RSPO3: variants seen among roughly 807,000 people sequenced by gnomAD.
RSPO3 encodes the protein R-spondin-3.
Under a neutral mutation model 36.5 loss-of-function variants are expected in RSPO3, and 17 were observed. The ratio of observed to expected loss-of-function variants is 0.47; its 90% CI spans 0.32 to 0.70. RSPO3 has a LOEUF of 0.70. Ranked by LOEUF, RSPO3 falls within the 30% of genes least tolerant of loss-of-function variation. The pLI is 0.04. For synonymous variants in RSPO3, 108 were observed against 107.0 expected, an observed-to-expected ratio of 1.01 and a Z score of -0.06; for missense variants, 294 against 322.5, an observed-to-expected ratio of 0.91 and a Z score of 0.68.
Position 127,154,606 on chromosome 6 carries a change from G to A in RSPO3, c.437-635G>A, listed in dbSNP as rs190440106. Among the ~76,000 whole-genome samples, 217 of 152,238 alleles carry A rather than the reference G, an allele frequency of 1.4e-3. 1 individual carries two copies. The highest frequency in any genetic ancestry group is 4.8e-3 in the African/African-American group (198 of 41,566). On this transcript the variant is annotated intron_variant, in intron 3 of 4. Transcript: ENST00000356698. ...ATTTAAGCGTACAACAGCACATGTC[G>A]TAAGCAAAGGCAGTAAATAGTAGGC... is the stretch of plus-strand genomic sequence containing the variant.
rs1390158168 is a variant in RSPO3 at position 127,198,861 on chromosome 6, C to T, written c.*2854C>T. On this transcript the variant is annotated 3_prime_UTR_variant, in exon 5 of 5. Transcript: ENST00000356698. ...GTCCCTGAGTCCTCATTAGTGACTGCGTCCTTTGGAAGTTATCCCAACCCT... is the reference window on the plus strand; with the variant it reads ...GTCCCTGAGTCCTCATTAGTGACTGTGTCCTTTGGAAGTTATCCCAACCCT... 6.6e-6 allele frequency among the ~76,000 whole-genome samples: 1 copy of T among 152,128 alleles called. No individual in the cohort carries two copies. Among genetic ancestry groups the T allele is most frequent in the African/African-American group, 2.4e-5 (1 of 41,428 alleles).
chr6:127,174,290 T>G (rs1775002863), intron 4 of RSPO3, among the ~76,000 whole-genome samples: 2 of 151,914 alleles, frequency 1.3e-5, no homozygotes, highest in African/African-American at 4.8e-5. Context: ...ACTAGCAGTC[T>G]ATTAAGCCTT....
chr6:127,173,730 C>T (rs1774989243), intron 4 of RSPO3, among the ~76,000 whole-genome samples: 1 of 151,710 alleles, frequency 6.6e-6, no homozygotes, highest in African/African-American at 2.4e-5. Context: ...CGTGCATGTG[C>T]GAGGAAAGCA....
chr6:127,198,710 A>G lies in RSPO3; in HGVS notation c.*2703A>G, dbSNP rs943214625. ...AGGTTCTAGTAGCAGTTGTGTAACC[A>G]CTAGTGAGTCACTTAACTCCTCTGG... is the stretch of plus-strand genomic sequence containing the variant. On this transcript the variant is annotated 3_prime_UTR_variant, in exon 5 of 5. Coordinates refer to ENST00000356698, the MANE Select transcript of RSPO3 (RefSeq NM_032784.5). 6.6e-6 allele frequency among the ~76,000 whole-genome samples: 1 copy of G among 152,160 alleles called. No individual in the cohort carries two copies. Among genetic ancestry groups the G allele is most frequent in the Non-Finnish European group, 1.5e-5 (1 of 68,028 alleles).
intron 4 of RSPO3, among the ~76,000 whole-genome samples, chr6:127,177,762 A>G (rs1775084408): frequency 6.6e-6 from 1 of 151,780 alleles, no homozygotes; most frequent in African/African-American, 2.4e-5. Context: ...AGGACTTGCA[A>G]GAAGCCAATT....
At chr6:127,187,863 T>A (rs927415714) in intron 4 of RSPO3, among the ~76,000 whole-genome samples, 1 of 152,188 alleles carries the variant, frequency 6.6e-6, no homozygotes, top group African/African-American at 2.4e-5. Context: ...TATTATACAA[T>A]AAAATACAGA....
intron 4 of RSPO3, among the ~76,000 whole-genome samples, chr6:127,182,594 G>T (rs1008085369): frequency 6.6e-6 from 1 of 151,862 alleles, no homozygotes; most frequent in Non-Finnish European, 1.5e-5. Context: ...CAGCTCATTT[G>T]CTTAAGCCTT....
In RSPO3 at chr6:127,195,872, T is replaced by G; in HGVS notation, c.684T>G (p.Ser228Arg). The G allele has an allele frequency of 1.9e-6, 3 of 1,605,948 alleles. No individual in the cohort carries two copies. The highest frequency in any genetic ancestry group is 2.6e-6 in the Non-Finnish European group (3 of 1,175,576). ...RKRKKPNKGE[S>R]KEAIPDSKSL... ...GAAAAAAACCTAATAAAGGAGAAAG[T>G]AAAGAAGCAATACCTGACAGCAAAA... The change falls in exon 5 of 5, where the codon AGT becomes AGG. Residue 228 changes from serine (S) to arginine (R), a missense_variant. Physicochemically the swap from Ser to Arg is moderately radical, Grantham distance 110 (BLOSUM62 -1). This residue lies in a region of RSPO3 where 190 missense variants were observed against 185.2 expected (regional missense o/e 1.03). Transcript: ENST00000356698.
At position 127,199,366 on chromosome 6, in the gene RSPO3, CATG is replaced by C. The variant is rs1261765446; in HGVS notation, c.*3362_*3364del. Among the ~76,000 whole-genome samples, 1 of 151,680 alleles carries C rather than the reference CATG, an allele frequency of 6.6e-6. No homozygotes were observed. The highest frequency in any genetic ancestry group is 1.5e-5 in the Non-Finnish European group (1 of 67,986). On this transcript the variant is annotated 3_prime_UTR_variant, in exon 5 of 5. Transcript: ENST00000356698. ...AACATATAAATTTTATTTCTTGATT[CATG>C]ATATGTGATAGTATTCATAAAAATG...
intron 1 of RSPO3, among the ~76,000 whole-genome samples, chr6:127,121,774 G>A (rs1448549974): frequency 1.3e-5 from 2 of 152,188 alleles, no homozygotes; most frequent in Admixed American, 6.5e-5. Flanking sequence ...TCAATTCACA[G>A]TTCCTGTTTC....
chr6:127,126,487 A>C (rs905987767), intron 1 of RSPO3, among the ~76,000 whole-genome samples: 5 of 152,062 alleles, frequency 3.3e-5, no homozygotes, highest in Admixed American at 3.3e-4. Flanking sequence ...TCTGTGTTAC[A>C]TAAGAGGATG....
intron 4 of RSPO3, among the ~76,000 whole-genome samples, chr6:127,158,069 G>C (rs1456094952): frequency 1.3e-5 from 2 of 151,148 alleles, no homozygotes; most frequent in Admixed American, 6.6e-5. Context: ...TCATTGTCTT[G>C]AATTTATAAC....
chr6:127,138,405 CTG>C (rs1774204815), intron 1 of RSPO3, among the ~76,000 whole-genome samples: 1 of 152,102 alleles, frequency 6.6e-6, no homozygotes, highest in Non-Finnish European at 1.5e-5. Context: ...CACTCTATGA[CTG>C]TTAGTGAGTT....
chr6:127,120,234 G>A (rs1773814899), intron 1 of RSPO3, among the ~76,000 whole-genome samples: 1 of 152,188 alleles, frequency 6.6e-6, no homozygotes, highest in Admixed American at 6.5e-5. Flanking sequence ...CCAAGATGAA[G>A]GGACAGATGC....
chr6:127,167,309 T>C (rs1184711969), intron 4 of RSPO3, among the ~76,000 whole-genome samples: 1 of 151,890 alleles, frequency 6.6e-6, no homozygotes, highest in Non-Finnish European at 1.5e-5. Flanking sequence ...CCAGTGTGTG[T>C]TGTTTTCCCT....
intron 4 of RSPO3, among the ~76,000 whole-genome samples, chr6:127,156,341 T>A (rs1024533218): frequency 2.0e-5 from 3 of 152,162 alleles, no homozygotes; most frequent in African/African-American, 7.2e-5. Flanking sequence ...AATAATATGA[T>A]CCTTTAGGGT....
In RSPO3 at chr6:127,133,768, A is replaced by C. The variant is rs189929239; in HGVS notation, c.97+14479A>C. 2.9e-4 allele frequency among the ~76,000 whole-genome samples: 44 copies of C among 152,276 alleles called. 1 individual carries two copies. Among genetic ancestry groups the C allele is most frequent in the Admixed American group, 2.7e-3 (42 of 15,296 alleles). On this transcript the variant is annotated intron_variant, in intron 1 of 4. Transcript: ENST00000356698. ...TAGGGGAAAAATATGGAAAAATCAA[A>C]ATTGAACTCAGCACTAACTACAATA...
chr6:127,123,410 G>A (rs1773883579), intron 1 of RSPO3, among the ~76,000 whole-genome samples: 1 of 152,136 alleles, frequency 6.6e-6, no homozygotes, highest in Non-Finnish European at 1.5e-5. Context: ...ATTTGCTGAA[G>A]AAAGTGTATT....
In RSPO3 at chr6:127,119,268, C is replaced by G. The variant is rs769967995; in HGVS notation, c.76C>G (p.Arg26Gly). ...ATACATCGGCAGCCAAAACGCCTCC[C>G]GGGGAAGGCGCCAGCGAAGAAGTAA... The part of the protein sequence containing the change: ...MEYIGSQNAS[R>G]GRRQRRMHPN... The change falls in exon 1 of 5, where the codon CGG becomes GGG. Residue 26 changes from arginine (R) to glycine (G), a missense_variant. Arg to Gly is a moderately radical substitution (Grantham distance 125). Around this residue, in one of 3 missense-constraint regions of RSPO3, gnomAD observed 61 missense variants for 51.3 expected, o/e 1.19. Transcript: ENST00000356698. The G allele has an allele frequency of 6.2e-7, 1 of 1,612,686 alleles. No homozygotes were observed. Among genetic ancestry groups the G allele is most frequent in the Non-Finnish European group, 8.5e-7 (1 of 1,179,228 alleles).
Sources: allele counts gnomAD v4.1 joint callset (sites outside exome capture counted in the v4.1 genomes callset), GRCh38; gene constraint gnomAD v4.1.1; regional missense constraint gnomAD v4.1.1; transcripts MANE v1.5; gene names NCBI Gene and HGNC (gene_info 2026-07-23, HGNC 2026-07-21).